The following SMC6 variants were observed in gnomAD, a reference collection of about 807,000 sequenced individuals.
SMC6 encodes structural maintenance of chromosomes 6.
In SMC6, 79 loss-of-function variants were observed where a neutral mutation model predicts 142.2. That is an observed-to-expected ratio of 0.56 (90% CI 0.46 to 0.67). SMC6 has a LOEUF of 0.67. SMC6 is among the 30% of genes least tolerant of loss of function. SMC6 has a pLI of 0.00. For missense variants in SMC6, 1,072 were observed against 1,284.0 expected (o/e 0.83, Z 2.52); for synonymous variants, 411 against 412.4 (o/e 1.00, Z 0.04).
At chr2:17,690,547 T>A (rs1282705088) in intron 23 of SMC6, among the ~76,000 whole-genome samples, 1 of 151,970 alleles carries the variant, frequency 6.6e-6, no homozygotes, top group Non-Finnish European at 1.5e-5. Flanking sequence ...TGAGCCAAGA[T>A]TGCACCACTG....
intron 23 of SMC6, 68 bp from the exon 24 acceptor site, chr2:17,683,831 A>C: frequency 7.1e-7 from 1 of 1,400,146 alleles, no homozygotes; most frequent in Non-Finnish European, 1.0e-6. Context: ...TAGAATCTCA[A>C]ACAGATTTAA....
chr2:17,668,026 C>A (rs1466323262), intron 26 of SMC6, among the ~76,000 whole-genome samples: 1 of 151,984 alleles, frequency 6.6e-6, no homozygotes, highest in Non-Finnish European at 1.5e-5. Context: ...TATTTTATAA[C>A]AAAACTGCCA....
At chr2:17,687,521 G>T (rs1667513296) in intron 23 of SMC6, among the ~76,000 whole-genome samples, 1 of 135,652 alleles carries the variant, frequency 7.4e-6, no homozygotes, top group African/African-American at 2.7e-5. Flanking sequence ...TACCTTTTGT[G>T]AAAAAAAGTA....
chr2:17,708,017 C>T (rs1668636120), intron 17 of SMC6, among the ~76,000 whole-genome samples: 1 of 151,604 alleles, frequency 6.6e-6, no homozygotes, highest in African/African-American at 2.4e-5. Context: ...CACACACACA[C>T]ACACACACAT....
At chr2:17,676,801 TG>T (rs1381663436) in intron 25 of SMC6, among the ~76,000 whole-genome samples, 1 of 152,192 alleles carries the variant, frequency 6.6e-6, no homozygotes, top group Non-Finnish European at 1.5e-5. Flanking sequence ...TTTATATTTT[TG>T]ATGCTAATAT....
At chr2:17,666,599 GCTC>G in intron 26 of SMC6, 82 bp from the exon 27 acceptor site, 1 of 970,742 alleles carries the variant, frequency 1.0e-6, no homozygotes, top group Middle Eastern at 2.1e-4. Flanking sequence ...GCTGATACAA[GCTC>G]CTGGATTTTC....
Position 17,699,611 on chromosome 2 carries a change from C to T in SMC6, c.2394+597G>A, listed in dbSNP as rs1337124324. ...GCTATTCTGTTATAGTTTCACAGGT[C>T]CCTAAGATGCTGTTTGTTTGTTTCA... On this transcript the variant is annotated intron_variant, in intron 21 of 27. Transcript: ENST00000448223. Among the ~76,000 whole-genome samples, 3 of 152,076 alleles carry T rather than the reference C, an allele frequency of 2.0e-5. No homozygotes were observed. In the East Asian group the frequency reaches 5.8e-4, roughly 29 times the overall value.
At chr2:17,728,623 G>A (rs1669748969) in intron 7 of SMC6, among the ~76,000 whole-genome samples, 1 of 152,064 alleles carries the variant, frequency 6.6e-6, no homozygotes, top group Admixed American at 6.6e-5. Flanking sequence ...GTAAACTTCA[G>A]CAAGAGGATA....
In SMC6 at chr2:17,678,979, A is replaced by G; in HGVS notation, c.2805-15T>C. The G allele has an allele frequency of 6.4e-7, 1 of 1,571,838 alleles. No individual in the cohort carries two copies. On this transcript the variant is annotated splice_polypyrimidine_tract_variant and intron_variant, in intron 24 of 27. Coordinates refer to ENST00000448223, the MANE Select transcript of SMC6 (RefSeq NM_001142286.2). ...AAGTCAAACACCTTGAAATTTAAAA[A>G]TTAGGCACATTAAAAAGAGGGCAAA...
At chr2:17,734,801 G>A (rs926170529) in intron 5 of SMC6, among the ~76,000 whole-genome samples, 2 of 151,836 alleles carry the variant, frequency 1.3e-5, no homozygotes, top group Non-Finnish European at 2.9e-5. Flanking sequence ...GCATGATCTC[G>A]GCTCACTGCA....
intron 21 of SMC6, among the ~76,000 whole-genome samples, chr2:17,698,676 C>T (rs912839627): frequency 4.6e-5 from 7 of 152,162 alleles, no homozygotes; most frequent in Admixed American, 4.6e-4. Context: ...CTGTCCATAT[C>T]TGTCTTTTGT....
chr2:17,750,874 G>A (rs571845584), intron 2 of SMC6, among the ~76,000 whole-genome samples: 41 of 151,440 alleles, frequency 2.7e-4, no homozygotes, highest in Non-Finnish European at 4.3e-4. Context: ...GCTTGGTGGC[G>A]CATGCCTGTA....
At chr2:17,752,812 G>T (rs933145690) in intron 2 of SMC6, among the ~76,000 whole-genome samples, 166 bp downstream of exon 2, 1 of 152,080 alleles carries the variant, frequency 6.6e-6, no homozygotes, top group Non-Finnish European at 1.5e-5. Context: ...AGGAGATTTG[G>T]GTTTTTCTTT....
chr2:17,683,530 AC>A (rs1293644165), intron 24 of SMC6, 107 bp downstream of exon 24: 1 of 1,035,192 alleles, frequency 9.7e-7, no homozygotes, highest in African/African-American at 1.6e-5. Flanking sequence ...GAACTGAATA[AC>A]AAAGCAAGCA....
intron 22 of SMC6, among the ~76,000 whole-genome samples, chr2:17,695,963 T>C (rs1667965394): frequency 6.6e-6 from 1 of 152,160 alleles, no homozygotes; most frequent in Non-Finnish European, 1.5e-5. Flanking sequence ...AACTACTCAC[T>C]GGAAGGGGTG....
At chr2:17,736,777 C>T (rs971036539) in intron 5 of SMC6, among the ~76,000 whole-genome samples, 1 of 151,278 alleles carries the variant, frequency 6.6e-6, no homozygotes, top group Non-Finnish European at 1.5e-5. Flanking sequence ...GAGGGTGAGG[C>T]ATGAGAATCA....
At chr2:17,731,594 G>T (rs1421589899) in intron 6 of SMC6, 147 bp downstream of exon 6, 4 of 721,016 alleles carry the variant, frequency 5.5e-6, no homozygotes, top group African/African-American at 1.8e-5. Flanking sequence ...TGTAACATAT[G>T]CACGTGTGTG....
intron 3 of SMC6, among the ~76,000 whole-genome samples, chr2:17,745,352 A>G (rs772142947): frequency 1.3e-5 from 2 of 152,332 alleles, no homozygotes; most frequent in African/African-American, 2.4e-5. Flanking sequence ...GAATTTAAAA[A>G]TATGAATTAA....
At chr2:17,750,100 A>G (rs992860736) in intron 2 of SMC6, among the ~76,000 whole-genome samples, 2 of 152,236 alleles carry the variant, frequency 1.3e-5, no homozygotes, top group Non-Finnish European at 2.9e-5. Flanking sequence ...TTTCAGGATC[A>G]GCAAAACCGG....
Sources: allele counts gnomAD v4.1 joint callset (sites outside exome capture counted in the v4.1 genomes callset), GRCh38; gene constraint gnomAD v4.1.1; transcripts MANE v1.5; gene names NCBI Gene and HGNC (gene_info 2026-07-23, HGNC 2026-07-21).